Variants in RALGAPA2 observed in about 807,000 individuals in gnomAD.
RALGAPA2 encodes Ral GTPase activating protein catalytic subunit alpha 2, also known as ral GTPase-activating protein subunit alpha-2.
Under a neutral mutation model 230.4 loss-of-function variants are expected in RALGAPA2, and 139 were observed. The observed-to-expected ratio is 0.60, with a 90% CI of 0.53 to 0.69. The LOEUF (loss-of-function observed/expected upper bound fraction) is 0.69. Among genes scored for constraint, RALGAPA2 ranks in the 30% least tolerant of loss-of-function variants. The pLI is 0.00. For synonymous variants in RALGAPA2, 847 were observed against 837.8 expected, an observed-to-expected ratio of 1.01 and a Z score of -0.19; for missense variants, 2,163 against 2,276.0, an observed-to-expected ratio of 0.95 and a Z score of 1.01.
chr20:20,497,024 C>T (rs1229902123), intron 35 of RALGAPA2, among the ~76,000 whole-genome samples: 1 of 152,220 alleles, frequency 6.6e-6, no homozygotes, highest in Non-Finnish European at 1.5e-5. Context: ...GCATCTCCGA[C>T]TTTCTAATGG....
At chr20:20,640,591 T>A in intron 6 of RALGAPA2, 110 bp downstream of exon 6, 1 of 1,077,936 alleles carries the variant, frequency 9.3e-7, no homozygotes, top group Non-Finnish European at 1.3e-6. Context: ...GGGGAATAAT[T>A]CCTCTTCAGA....
In RALGAPA2 at chr20:20,711,281, C is replaced by T. The variant is rs184107362; in HGVS notation, c.106+1094G>A. On this transcript the variant is annotated intron_variant, in intron 1 of 39. Coordinates refer to ENST00000202677, the MANE Select transcript of RALGAPA2 (RefSeq NM_020343.4). ...AAGATCTTTATTTAAAATCTTCACA[C>T]GTTAAATCATTTTATGCAATATTCT... is the stretch of plus-strand genomic sequence containing the variant. Among the ~76,000 whole-genome samples, 40 of 152,244 alleles carry T rather than the reference C, an allele frequency of 2.6e-4. No individual in the cohort carries two copies. The East Asian group carries it at 5.4e-3, about 21-fold the overall frequency.
intron 37 of RALGAPA2, among the ~76,000 whole-genome samples, chr20:20,433,763 T>A (rs948844377): frequency 6.6e-6 from 1 of 151,954 alleles, no homozygotes; most frequent in Admixed American, 6.6e-5. Context: ...TTTTGTGAGA[T>A]GAAGACGATG....
At position 20,712,501 on chromosome 20, in the gene RALGAPA2, C is replaced by A. The variant is rs2069930166; in HGVS notation, c.-21G>T. The A allele has an allele frequency of 6.5e-7, 1 of 1,540,232 alleles. No individual in the cohort carries two copies. The highest frequency in any genetic ancestry group is 1.4e-5 in the African/African-American group (1 of 71,420). ...AACATCCCGCGGCAGGAAGCCCGGGCCCCGCCGGCGGGGCAGTAGGCGCCT... is the reference window on the plus strand; with the variant it reads ...AACATCCCGCGGCAGGAAGCCCGGGACCCGCCGGCGGGGCAGTAGGCGCCT... On this transcript the variant is annotated 5_prime_UTR_variant, in exon 1 of 40. Coordinates refer to ENST00000202677, the MANE Select transcript of RALGAPA2 (RefSeq NM_020343.4). This position sits in a 1 kb window ranked among gnomAD's most constrained non-coding sequence, Gnocchi z 5.5.
In RALGAPA2 at chr20:20,398,617, C is replaced by T. The variant is rs1048138185; in HGVS notation, c.5618-1883G>A. Among the ~76,000 whole-genome samples, 2 of 152,004 alleles carry T rather than the reference C, an allele frequency of 1.3e-5. No individual in the cohort carries two copies. The highest frequency in any genetic ancestry group is 2.9e-5 in the Non-Finnish European group (2 of 68,004). On this transcript the variant is annotated intron_variant, in intron 38 of 39. Coordinates refer to ENST00000202677, the MANE Select transcript of RALGAPA2 (RefSeq NM_020343.4). This position sits in a 1 kb window ranked among gnomAD's most constrained non-coding sequence, Gnocchi z 4.5. Reference sequence around the variant, plus strand: ...ATACATCTCTGGGGTACGCACAGGGCACTGACCAACCTGGGCAGTGTGGAG... The same window carrying T: ...ATACATCTCTGGGGTACGCACAGGGTACTGACCAACCTGGGCAGTGTGGAG...
chr20:20,687,017 G>A (rs570864439), intron 1 of RALGAPA2, among the ~76,000 whole-genome samples: 1 of 152,282 alleles, frequency 6.6e-6, no homozygotes, highest in East Asian at 1.9e-4. Context: ...CCAGAACTAA[G>A]AGCCATCCAA....
rs758450365 is a variant in RALGAPA2 at position 20,572,878 on chromosome 20, T to C, written c.2898A>G (p.Ala966=). Residue 966 remains alanine (A), a synonymous_variant, in exon 21 of 40, where the codon GCA becomes GCG. Transcript: ENST00000202677. ...CYLYELWYKL[A]KIRDNLAISL... ...AAAGTAACATAGCAGAACTTACCTTTGCTAGTTTGTACCAGAGTTCATAGA... is the reference window on the plus strand; with the variant it reads ...AAAGTAACATAGCAGAACTTACCTTCGCTAGTTTGTACCAGAGTTCATAGA... 14 of 1,527,726 alleles carry C rather than the reference T, an allele frequency of 9.2e-6. No homozygotes were observed. In the Admixed American group the frequency reaches 1.0e-4, roughly 11 times the overall value. The allele number at this position is 1,527,726 out of a possible 1,614,324, so 94.6% of individuals were successfully genotyped here. A position where few individuals can be genotyped will look rare whatever the true frequency, so the allele number is the denominator to read the frequency against.
intron 36 of RALGAPA2, among the ~76,000 whole-genome samples, chr20:20,490,620 G>A (rs2062025339): frequency 6.6e-6 from 1 of 152,122 alleles, no homozygotes; most frequent in South Asian, 2.1e-4. Flanking sequence ...TGAAAAGAAA[G>A]AAATTTACAT....
At chr20:20,577,793 G>GA (rs2064865763) in intron 20 of RALGAPA2, among the ~76,000 whole-genome samples, 1 of 150,702 alleles carries the variant, frequency 6.6e-6, no homozygotes, top group Non-Finnish European at 1.5e-5. Flanking sequence ...CCCTTGAGGA[G>GA]AAAAAAAAAG....
At chr20:20,603,488 G>A (rs1183581670) in intron 15 of RALGAPA2, among the ~76,000 whole-genome samples, 1 of 152,074 alleles carries the variant, frequency 6.6e-6, no homozygotes, top group Non-Finnish European at 1.5e-5. Flanking sequence ...TGACTTACTT[G>A]GTAGCAAAAC....
intron 36 of RALGAPA2, among the ~76,000 whole-genome samples, chr20:20,476,862 T>A (rs901055240): frequency 1.4e-4 from 22 of 152,198 alleles, no homozygotes; most frequent in Admixed American, 1.4e-3. Flanking sequence ...TGTGTTATAT[T>A]CACCCAACAG....
intron 37 of RALGAPA2, among the ~76,000 whole-genome samples, chr20:20,430,941 C>T (rs1466462194): frequency 1.3e-5 from 2 of 151,928 alleles, no homozygotes; most frequent in African/African-American, 4.8e-5. Context: ...TGGTCCCTAT[C>T]GTCTCCCAGC....
Position 20,396,645 on chromosome 20 carries a change from C to A in RALGAPA2, c.*35+50G>T, listed in dbSNP as rs956029143. ...GCAGCCGATTAGAAAAGTCCCACCC[C>A]CTCCCCAAAGCAGGGTGGCTGGACA... is the stretch of plus-strand genomic sequence containing the variant. On this transcript the variant is annotated intron_variant, in intron 39 of 39. Transcript: ENST00000202677. The A allele has an allele frequency of 1.6e-5, 24 of 1,535,674 alleles. No homozygotes were observed. The African/African-American group carries it at 3.2e-4, about 20-fold the overall frequency.
rs180833121 is a variant in RALGAPA2 at position 20,600,095 on chromosome 20, G to A, written c.2203+1587C>T. On this transcript the variant is annotated intron_variant, in intron 16 of 39. Transcript: ENST00000202677. ...AGATCACCTAAGGTAAGGAGTACGA[G>A]AACAGTCTGGCCAACATGGCGAAAC... Among the ~76,000 whole-genome samples, 757 of 151,954 alleles carry A rather than the reference G, an allele frequency of 5.0e-3. 6 individuals carry two copies. Among genetic ancestry groups the A allele is most frequent in the African/African-American group, 0.017 (721 of 41,438 alleles).
intron 12 of RALGAPA2, among the ~76,000 whole-genome samples, chr20:20,618,019 T>C (rs772657154): frequency 1.3e-5 from 2 of 152,132 alleles, no homozygotes; most frequent in Non-Finnish European, 2.9e-5. Context: ...AAGCAAGATA[T>C]AAAAAAATTT....
rs1213813977 is a variant in RALGAPA2 at position 20,437,801 on chromosome 20, G to A, written c.5496-25653C>T. Among the ~76,000 whole-genome samples, 2 of 152,116 alleles carry A rather than the reference G, an allele frequency of 1.3e-5. No homozygotes were observed. The highest frequency in any genetic ancestry group is 2.4e-5 in the African/African-American group (1 of 41,416). On this transcript the variant is annotated intron_variant, in intron 37 of 39. Coordinates refer to ENST00000202677, the MANE Select transcript of RALGAPA2 (RefSeq NM_020343.4). This position sits in a 1 kb window ranked among gnomAD's most constrained non-coding sequence, Gnocchi z 4.1. Reference sequence around the variant, plus strand: ...AACTTCCCTGGATTTTCATGATCTAGCTTGCTTGCTGTCAGCCTCTTCCAC... The same window carrying A: ...AACTTCCCTGGATTTTCATGATCTAACTTGCTTGCTGTCAGCCTCTTCCAC...
At position 20,680,665 on chromosome 20, in the gene RALGAPA2, T is replaced by A. The variant is rs552437436; in HGVS notation, c.217+26A>T. The A allele has an allele frequency of 1.0e-4, 149 of 1,497,230 alleles. 3 individuals carry two copies. Among genetic ancestry groups the A allele is most frequent in the South Asian group, 7.7e-4 (58 of 75,100 alleles). 92.7% of individuals were successfully genotyped at this position (1,497,230 alleles called of 1,614,324 possible). A position where few individuals can be genotyped will look rare whatever the true frequency, so the allele number is the denominator to read the frequency against. Reference sequence around the variant, plus strand: ...CTTATAAAAATGCCCGAATGTTTTTTAAAAAAAAACTACTGAAATGCTTAC... The same window carrying A: ...CTTATAAAAATGCCCGAATGTTTTTAAAAAAAAAACTACTGAAATGCTTAC... On this transcript the variant is annotated intron_variant, in intron 2 of 39. Transcript: ENST00000202677.
Position 20,472,886 on chromosome 20 carries a change from G to T in RALGAPA2, c.5438C>A (p.Ala1813Asp). ...AGCCCTGCTGGCGTTGATGCACGTG[G>T]CACATACAAGGCTTGGCAGCAGCTT... is the stretch of plus-strand genomic sequence containing the variant. ...SGKLLPSLVC[A>D]TCINASRAVK... is the part of the protein sequence containing the mutation. The change falls in exon 37 of 40, where the codon GCC becomes GAC. Residue 1813 changes from alanine (A) to aspartate (D), a missense_variant. Physicochemically the swap from Ala to Asp is moderately radical, Grantham distance 126. Coordinates refer to ENST00000202677, the MANE Select transcript of RALGAPA2 (RefSeq NM_020343.4). 6.2e-7 allele frequency: 1 copy of T among 1,613,626 alleles called. No homozygotes were observed. The highest frequency in any genetic ancestry group is 1.1e-5 in the South Asian group (1 of 91,068).
Position 20,434,227 on chromosome 20 carries a change from A to G in RALGAPA2, c.5496-22079T>C, listed in dbSNP as rs938723716. ...TCTCTCCCAAACAAAAGTTGCTCAT[A>G]GCCACACACACTGGCCTCTCATGGG... On this transcript the variant is annotated intron_variant, in intron 37 of 39. Coordinates refer to ENST00000202677, the MANE Select transcript of RALGAPA2 (RefSeq NM_020343.4). Among the ~76,000 whole-genome samples the G allele has an allele frequency of 2.6e-4, 39 of 152,218 alleles. 1 individual carries two copies. The highest frequency in any genetic ancestry group is 1.5e-5 in the Non-Finnish European group (1 of 68,030).
Sources: gnomAD v4.1 joint callset for allele counts (sites outside exome capture counted in the v4.1 genomes callset) on GRCh38, gnomAD v4.1.1 for gene constraint, Gnocchi (gnomAD v3.1) non-coding constraint, MANE v1.5 for transcripts, NCBI Gene and HGNC (gene_info 2026-07-23, HGNC 2026-07-21) for gene names.